TBC1D4: variants seen among roughly 807,000 people sequenced by gnomAD.
The protein encoded by TBC1D4 is TBC1 domain family member 4.
In TBC1D4, 121 loss-of-function variants were observed where a neutral mutation model predicts 142.5. That is an observed-to-expected ratio of 0.85 (90% CI 0.73 to 0.99). The LOEUF is 0.99. TBC1D4 is among the 50% of genes least tolerant of loss of function. The pLI is 0.00. For missense variants in TBC1D4, 1,475 were observed against 1,606.6 expected (o/e 0.92, Z 1.40); for synonymous variants, 630 against 628.2 (o/e 1.00, Z -0.04).
At chr13:75,427,279 G>A (rs1004216493) in intron 1 of TBC1D4, among the ~76,000 whole-genome samples, 1 of 152,084 alleles carries the variant, frequency 6.6e-6, no homozygotes, top group Non-Finnish European at 1.5e-5. Flanking sequence ...AGTAGAGACG[G>A]GGTTTCACCG....
intron 1 of TBC1D4, among the ~76,000 whole-genome samples, chr13:75,453,525 T>C (rs925592798): frequency 6.6e-6 from 1 of 152,174 alleles, no homozygotes; most frequent in Non-Finnish European, 1.5e-5. Flanking sequence ...TATATATATA[T>C]GTATGTATAC....
rs555384316 is a variant in TBC1D4 at position 75,313,553 on chromosome 13, A to T, written c.2223-655T>A. On this transcript the variant is annotated intron_variant, in intron 12 of 20. Coordinates refer to ENST00000377636, the MANE Select transcript of TBC1D4 (RefSeq NM_014832.5). ...CATTTATTTTGTGAGATAAGGTCTC[A>T]TTTTTTCACCCAGGCTGGAGCGCAG... 7.9e-5 allele frequency among the ~76,000 whole-genome samples: 12 copies of T among 152,222 alleles called. No individual in the cohort carries two copies. The East Asian group carries it at 2.3e-3, about 29-fold the overall frequency.
At chr13:75,407,592 C>T (rs530187990) in intron 1 of TBC1D4, among the ~76,000 whole-genome samples, 34 of 152,284 alleles carry the variant, frequency 2.2e-4, no homozygotes, top group Non-Finnish European at 4.1e-4. Context: ...TGCAGAATCT[C>T]GGCATCTCTG....
In TBC1D4 at chr13:75,356,253, T is replaced by C. The variant is rs1593782505; in HGVS notation, c.1171-2A>G. The C allele has an allele frequency of 1.2e-6, 2 of 1,603,250 alleles. No individual in the cohort carries two copies. The highest frequency in any genetic ancestry group is 2.2e-5 in the East Asian group (1 of 44,836). On this transcript the variant is annotated splice_acceptor_variant, in intron 3 of 20. Coordinates refer to ENST00000377636, the MANE Select transcript of TBC1D4 (RefSeq NM_014832.5). LOFTEE classifies it high-confidence loss of function. The stretch of plus-strand genomic sequence containing the variant: ...AAAGTGATCCACATGCTTTATACCC[T>C]AGATGGAGGGGAAGAAGTGCAATAA...
intron 1 of TBC1D4, among the ~76,000 whole-genome samples, chr13:75,416,306 C>G (rs1408170347): frequency 1.8e-4 from 28 of 152,186 alleles, no homozygotes; most frequent in Admixed American, 1.8e-3. Flanking sequence ...TCTAAAATTA[C>G]TACTCTGAAA....
At chr13:75,303,145 C>T (rs1876758334) in intron 15 of TBC1D4, among the ~76,000 whole-genome samples, 1 of 152,068 alleles carries the variant, frequency 6.6e-6, no homozygotes, top group Admixed American at 6.6e-5. Flanking sequence ...TGGTGAAACC[C>T]TGCCTCTACT....
intron 1 of TBC1D4, among the ~76,000 whole-genome samples, chr13:75,371,344 G>A (rs896418238): frequency 1.3e-5 from 2 of 152,148 alleles, no homozygotes; most frequent in Non-Finnish European, 2.9e-5. Context: ...CAGAATTGCT[G>A]GAGCAATCTC....
intron 1 of TBC1D4, among the ~76,000 whole-genome samples, chr13:75,373,254 T>C (rs1883315652): frequency 6.6e-6 from 1 of 152,178 alleles, no homozygotes; most frequent in Non-Finnish European, 1.5e-5. Context: ...ACTTCAGATA[T>C]TTATACCATC....
At chr13:75,465,133 A>C (rs2138299379) in intron 1 of TBC1D4, among the ~76,000 whole-genome samples, 1 of 152,328 alleles carries the variant, frequency 6.6e-6, no homozygotes, top group South Asian at 2.1e-4. Flanking sequence ...ATACAAGTAC[A>C]GACAGGTGCC....
intron 1 of TBC1D4, among the ~76,000 whole-genome samples, chr13:75,466,876 A>C (rs7321791): frequency 2.0e-5 from 3 of 150,730 alleles, no homozygotes; most frequent in Non-Finnish European, 4.4e-5. Context: ...TCTCAAAAAA[A>C]AATAATAATA....
In TBC1D4 at chr13:75,367,145, A is replaced by G. The variant is rs957303344; in HGVS notation, c.499-4538T>C. ...AGTATTTCCTGACTCTGCAATCAGG[A>G]AATACACAGATTGTTTGGGACTAAA... On this transcript the variant is annotated intron_variant, in intron 1 of 20. Transcript: ENST00000377636. 2.3e-5 allele frequency: 4 copies of G among 176,944 alleles called. 1 individual carries two copies. The highest frequency in any genetic ancestry group is 1.3e-4 in the Admixed American group (2 of 15,294). The allele number at this position is 176,944 out of a possible 1,614,324, so 11.0% of individuals were successfully genotyped here.
chr13:75,335,273 A>T (rs1880102273), intron 8 of TBC1D4, among the ~76,000 whole-genome samples: 1 of 152,098 alleles, frequency 6.6e-6, no homozygotes, highest in South Asian at 2.1e-4. Flanking sequence ...CCCCATATGG[A>T]CAGTCTCCCT....
intron 1 of TBC1D4, among the ~76,000 whole-genome samples, chr13:75,480,009 G>A (rs916082001): frequency 2.7e-5 from 4 of 146,120 alleles, no homozygotes; most frequent in Non-Finnish European, 4.5e-5. Flanking sequence ...TCCAGCCTGG[G>A]CGACAGAGCA....
intron 4 of TBC1D4, among the ~76,000 whole-genome samples, chr13:75,351,626 G>T (rs1328070952): frequency 7.2e-6 from 1 of 138,392 alleles, no homozygotes; most frequent in Admixed American, 8.3e-5. Flanking sequence ...GTGTCCATGT[G>T]TTCTCATTGT....
intron 17 of TBC1D4, among the ~76,000 whole-genome samples, chr13:75,295,296 G>A (rs1354395145): frequency 6.6e-6 from 1 of 152,122 alleles, no homozygotes; most frequent in East Asian, 1.9e-4. Flanking sequence ...TTCTTCTGTA[G>A]GGAGGCATTG....
At chr13:75,376,566 C>G (rs141914323) in intron 1 of TBC1D4, among the ~76,000 whole-genome samples, 1 of 151,934 alleles carries the variant, frequency 6.6e-6, no homozygotes. Context: ...TTAGTAGAGA[C>G]GAGATGGGGT....
chr13:75,350,868 C>G (rs930860046), intron 4 of TBC1D4, among the ~76,000 whole-genome samples: 7 of 152,154 alleles, frequency 4.6e-5, no homozygotes, highest in Non-Finnish European at 8.8e-5. Flanking sequence ...TAAAAACTTA[C>G]TTGACTTCTA....
chr13:75,298,229 A>C (rs545702427), intron 17 of TBC1D4, among the ~76,000 whole-genome samples: 2 of 152,314 alleles, frequency 1.3e-5, no homozygotes, highest in African/African-American at 4.8e-5. Flanking sequence ...ATCCTCTTTA[A>C]AGTCTTCTTT....
intron 12 of TBC1D4, among the ~76,000 whole-genome samples, chr13:75,317,455 A>T (rs759183878): frequency 6.6e-6 from 1 of 152,208 alleles, no homozygotes; most frequent in Non-Finnish European, 1.5e-5. Flanking sequence ...ACATTCCAAA[A>T]TGTATACACT....
Sources: gnomAD v4.1 joint callset for allele counts (sites outside exome capture counted in the v4.1 genomes callset) on GRCh38, gnomAD v4.1.1 for gene constraint, MANE v1.5 for transcripts, NCBI Gene and HGNC (gene_info 2026-07-23, HGNC 2026-07-21) for gene names.